CALHM3: variants seen among roughly 807,000 people sequenced by gnomAD.
The protein encoded by CALHM3 is calcium homeostasis modulator 3.
Under a neutral mutation model 13.6 loss-of-function variants are expected in CALHM3, and 9 were observed. The ratio of observed to expected loss-of-function variants is 0.66; its 90% CI spans 0.40 to 1.15. CALHM3 has a LOEUF of 1.15. Ranked by LOEUF, CALHM3 falls within the 50% of genes most tolerant of loss-of-function variation. The pLI, the probability that CALHM3 is intolerant of heterozygous loss-of-function variation, is 0.01. For missense variants in CALHM3, 497 were observed against 463.4 expected (o/e 1.07, Z -0.67); for synonymous variants, 231 against 213.2 (o/e 1.08, Z -0.73).
At position 103,479,184 on chromosome 10, in the gene CALHM3, GC is replaced by G; in HGVS notation, c.-153del. ...CCTGAGGGGCCAAGGAGGAAGCAGT[GC>G]CCAGGCCCCAGCCCAGGCTCCCGGG... On this transcript the variant is annotated 5_prime_UTR_variant, in exon 1 of 3. Transcript: ENST00000369783. 1.1e-6 allele frequency: 1 copy of G among 873,740 alleles called. No homozygotes were observed. Among genetic ancestry groups the G allele is most frequent in the Non-Finnish European group, 1.7e-6 (1 of 588,746 alleles). The allele number at this position is 873,740 out of a possible 1,614,324, so 54.1% of individuals were successfully genotyped here.
In CALHM3 at chr10:103,479,041, C is replaced by T. The variant is rs894907703; in HGVS notation, c.-9G>A. On this transcript the variant is annotated 5_prime_UTR_variant, in exon 1 of 3. Coordinates refer to ENST00000369783, the MANE Select transcript of CALHM3 (RefSeq NM_001129742.2). ...ATGCGGAATTTATCCATGGCTCCAGCCTGGGTGGGTGGGCGGCCGTCGGTT... is the reference window on the plus strand; with the variant it reads ...ATGCGGAATTTATCCATGGCTCCAGTCTGGGTGGGTGGGCGGCCGTCGGTT... 5 of 1,541,854 alleles carry T rather than the reference C, an allele frequency of 3.2e-6. No homozygotes were observed. The highest frequency in any genetic ancestry group is 4.4e-6 in the Non-Finnish European group (5 of 1,141,172).
rs199912946 is a variant in CALHM3 at position 103,476,307 on chromosome 10, C to G, written c.530G>C (p.Arg177Pro). 2 of 1,551,358 alleles carry G rather than the reference C, an allele frequency of 1.3e-6. No individual in the cohort carries two copies. The highest frequency in any genetic ancestry group is 1.7e-4 in the Middle Eastern group (1 of 5,992). The stretch of plus-strand genomic sequence containing the variant: ...CACCCCAGTTACCTGTGACAGGCAC[C>G]GCAGGTAGCGAGACACTGCCTTCCG... ...PARKAVSRYL[R>P]CLSQAIGWSV... Residue 177 changes from arginine (R) to proline (P), a missense_variant, in exon 2 of 3, where the codon CGG (arginine) becomes CCG (proline). Coordinates refer to ENST00000369783, the MANE Select transcript of CALHM3 (RefSeq NM_001129742.2).
In CALHM3 at chr10:103,473,340, C is replaced by G. The variant is rs2033344863; in HGVS notation, c.908G>C (p.Ser303Thr). 1.3e-6 allele frequency: 2 copies of G among 1,505,624 alleles called. No homozygotes were observed. The highest frequency in any genetic ancestry group is 1.8e-6 in the Non-Finnish European group (2 of 1,121,826). 93.3% of individuals were successfully genotyped at this position (1,505,624 alleles called of 1,614,324 possible). A position where few individuals can be genotyped will look rare whatever the true frequency, so the allele number is the denominator to read the frequency against. ...CGGCGGCTTGCTGGAGTACCACGTG[C>G]TTAGGAGGCGGTCCACCTGCTCCCG... ...SSREQVDRLL[S>T]TWYSSKPPLD... Residue 303 changes from serine (S) to threonine (T), a missense_variant, in exon 3 of 3, where the codon AGC becomes ACC. Physicochemically the swap from Ser to Thr is moderately conservative, Grantham distance 58. Transcript: ENST00000369783.
At chr10:103,477,440 A>G (rs986481087) in intron 1 of CALHM3, among the ~76,000 whole-genome samples, 2 of 152,198 alleles carry the variant, frequency 1.3e-5, no homozygotes, top group Non-Finnish European at 2.9e-5. Context: ...CTGAGGGTGC[A>G]CCGGATGCAG....
chr10:103,478,695 TG>T lies in CALHM3; in HGVS notation c.287+50del, dbSNP rs1423945152. ...CACTTGACAGTGCCTGTGGGGTGGCTGGGGAGCCCCTGGCAAAGCTCATGGG... is the reference window on the plus strand; with the variant it reads ...CACTTGACAGTGCCTGTGGGGTGGCTGGGAGCCCCTGGCAAAGCTCATGGG... On this transcript the variant is annotated intron_variant, in intron 1 of 2. Coordinates refer to ENST00000369783, the MANE Select transcript of CALHM3 (RefSeq NM_001129742.2). 7.7e-5 allele frequency: 112 copies of T among 1,463,830 alleles called. No homozygotes were observed. In the South Asian group the frequency reaches 1.5e-3, roughly 19 times the overall value. The allele number at this position is 1,463,830 out of a possible 1,614,324, so 90.7% of individuals were successfully genotyped here. A position where few individuals can be genotyped will look rare whatever the true frequency, so the allele number is the denominator to read the frequency against.
Position 103,479,117 on chromosome 10 carries a change from G to C in CALHM3, c.-85C>G. 7.1e-7 allele frequency: 1 copy of C among 1,401,576 alleles called. No individual in the cohort carries two copies. Among genetic ancestry groups the C allele is most frequent in the Non-Finnish European group, 9.6e-7 (1 of 1,043,744 alleles). The allele number at this position is 1,401,576 out of a possible 1,614,324, so 86.8% of individuals were successfully genotyped here. A position where few individuals can be genotyped will look rare whatever the true frequency, so the allele number is the denominator to read the frequency against. On this transcript the variant is annotated 5_prime_UTR_variant, in exon 1 of 3. Coordinates refer to ENST00000369783, the MANE Select transcript of CALHM3 (RefSeq NM_001129742.2). ...TCCTGGTGTCTGCTGTGCTGGGGAC[G>C]AGCCTGGGATCTGCAAGAGGTTCTC... is the stretch of plus-strand genomic sequence containing the variant.
chr10:103,477,936 T>G (rs946305895), intron 1 of CALHM3, among the ~76,000 whole-genome samples: 2 of 152,010 alleles, frequency 1.3e-5, no homozygotes, highest in African/African-American at 2.4e-5. Flanking sequence ...AGAATCCATC[T>G]TCCCCAAGGT....
intron 1 of CALHM3, among the ~76,000 whole-genome samples, chr10:103,477,585 G>C (rs892041507): frequency 2.0e-5 from 3 of 151,944 alleles, no homozygotes; most frequent in African/African-American, 7.3e-5. Flanking sequence ...TTCTTTTTTT[G>C]TCTTTTTTGA....
chr10:103,476,336 AG>A lies in CALHM3; in HGVS notation c.500del (p.Pro167LeufsTer25). The A allele has an allele frequency of 6.4e-7, 1 of 1,551,674 alleles. No individual in the cohort carries two copies. Among genetic ancestry groups the A allele is most frequent in the Non-Finnish European group, 8.7e-7 (1 of 1,146,992 alleles). On this transcript the variant is annotated frameshift_variant, in exon 2 of 3. Coordinates refer to ENST00000369783, the MANE Select transcript of CALHM3 (RefSeq NM_001129742.2). LOFTEE classifies it low-confidence loss of function (END_TRUNC). ...GGTAGCGAGACACTGCCTTCCGAGC[AG>A]GGCTATCCCTGACCAGCTCATCCTC... ...CKEDELVRDSPARKAVSRYLR... is the reference protein window; with the variant it reads ...CKEDELVRDSXARKAVSRYLR...
At chr10:103,478,432 G>A (rs1348279279) in intron 1 of CALHM3, among the ~76,000 whole-genome samples, 4 of 152,210 alleles carry the variant, frequency 2.6e-5, no homozygotes, top group East Asian at 1.9e-4. Flanking sequence ...AAGTTTTCCC[G>A]CAGCCCCTAG....
Position 103,476,301 on chromosome 10 carries a change from A to G in CALHM3, c.536T>C (p.Leu179Pro), listed in dbSNP as rs1313852932. The change falls in exon 2 of 3, where the codon CTG (leucine) becomes CCG (proline). Residue 179 changes from leucine (L) to proline (P), a missense_variant. Physicochemically the swap from Leu to Pro is moderately conservative, Grantham distance 98. Transcript: ENST00000369783. ...GAGGATCACCCCAGTTACCTGTGAC[A>G]GGCACCGCAGGTAGCGAGACACTGC... ...RKAVSRYLRCLSQAIGWSVTL... is the reference protein window; with the variant it reads ...RKAVSRYLRCPSQAIGWSVTL... The G allele has an allele frequency of 1.3e-6, 2 of 1,551,248 alleles. No individual in the cohort carries two copies. The highest frequency in any genetic ancestry group is 2.7e-5 in the African/African-American group (2 of 73,048).
At chr10:103,478,632 A>G (rs1220024333) in intron 1 of CALHM3, 114 bp downstream of exon 1, 9 of 1,126,700 alleles carry the variant, frequency 8.0e-6, no homozygotes, top group Non-Finnish European at 9.8e-6. Flanking sequence ...GTGGGTGGAG[A>G]ATCCCCTGAT....
rs1169855213 is a variant in CALHM3, at chr10:103,479,158, G to A, written c.-126C>T. On this transcript the variant is annotated 5_prime_UTR_variant, in exon 1 of 3. Coordinates refer to ENST00000369783, the MANE Select transcript of CALHM3 (RefSeq NM_001129742.2). ...AGAGGTTCTCTCTCTGCTTCCAAGG[G>A]CCTGAGGGGCCAAGGAGGAAGCAGT... The A allele has an allele frequency of 1.8e-6, 2 of 1,110,990 alleles. No homozygotes were observed. Among genetic ancestry groups the A allele is most frequent in the East Asian group, 2.6e-5 (1 of 38,512 alleles). 68.8% of individuals were successfully genotyped at this position (1,110,990 alleles called of 1,614,324 possible).
chr10:103,479,226 A>T lies in CALHM3; in HGVS notation c.-194T>A, dbSNP rs1440736888. 8.0e-6 allele frequency: 5 copies of T among 623,422 alleles called. No homozygotes were observed. The highest frequency in any genetic ancestry group is 5.5e-5 in the African/African-American group (3 of 54,204). 38.6% of individuals were successfully genotyped at this position (623,422 alleles called of 1,614,324 possible). A position where few individuals can be genotyped will look rare whatever the true frequency, so the allele number is the denominator to read the frequency against. ...GGCTCCCGGGATCCAGTAGGCACTT[A>T]AGGCAGGGACAGGCTCTCACCACAA... is the stretch of plus-strand genomic sequence containing the variant. On this transcript the variant is annotated 5_prime_UTR_variant, in exon 1 of 3. Coordinates refer to ENST00000369783, the MANE Select transcript of CALHM3 (RefSeq NM_001129742.2).
At chr10:103,478,239 G>T (rs937648379) in intron 1 of CALHM3, among the ~76,000 whole-genome samples, 1 of 152,140 alleles carries the variant, frequency 6.6e-6, no homozygotes, top group Non-Finnish European at 1.5e-5. Flanking sequence ...CTATTTCTGC[G>T]TGGCTATCCA....
rs550103390 is a variant in CALHM3, at chr10:103,478,895, G to A, written c.138C>T (p.His46=). 3.0e-5 allele frequency: 46 copies of A among 1,551,766 alleles called. No individual in the cohort carries two copies. The East Asian group carries it at 8.6e-4, about 29-fold the overall frequency. The change falls in exon 1 of 3, where the codon CAC becomes CAT. Residue 46 remains histidine, a synonymous_variant. Coordinates refer to ENST00000369783, the MANE Select transcript of CALHM3 (RefSeq NM_001129742.2). ...SFDFNCPCLV[H]YNALYGLGLL... ...GGCCCAGGCCGTAGAGTGCATTGTA[G>A]TGCACCAGGCAGGGACAGTTGAAGT...
rs763687742 is a variant in CALHM3 at position 103,473,500 on chromosome 10, T to C, written c.748A>G (p.Met250Val). 73 of 1,550,980 alleles carry C rather than the reference T, an allele frequency of 4.7e-5. 3 individuals carry two copies. In the South Asian group the frequency reaches 7.4e-4, roughly 16 times the overall value. ...HRCVLHFFASMRSELQARGLR... is the reference protein window; with the variant it reads ...HRCVLHFFASVRSELQARGLR... ...CCCCGCGCCTGCAGCTCACTCCGCA[T>C]GCTGGCAAAGAAGTGCAGCACGCAG... The change falls in exon 3 of 3, where the codon ATG becomes GTG. Residue 250 changes from methionine to valine, a missense_variant. Physicochemically the swap from Met to Val is conservative, Grantham distance 21. Coordinates refer to ENST00000369783, the MANE Select transcript of CALHM3 (RefSeq NM_001129742.2).
In CALHM3 at chr10:103,479,162, G is replaced by A. The variant is rs1013775680; in HGVS notation, c.-130C>T. ...GTTCTCTCTCTGCTTCCAAGGGCCT[G>A]AGGGGCCAAGGAGGAAGCAGTGCCC... On this transcript the variant is annotated 5_prime_UTR_variant, in exon 1 of 3. Transcript: ENST00000369783. 9.1e-7 allele frequency: 1 copy of A among 1,095,762 alleles called. No individual in the cohort carries two copies. The highest frequency in any genetic ancestry group is 1.3e-6 in the Non-Finnish European group (1 of 785,060). 67.9% of individuals were successfully genotyped at this position (1,095,762 alleles called of 1,614,324 possible).
At chr10:103,474,217 T>C (rs2033362586) in intron 2 of CALHM3, among the ~76,000 whole-genome samples, 1 of 152,284 alleles carries the variant, frequency 6.6e-6, no homozygotes, top group South Asian at 2.1e-4. Context: ...CATCCTTGCA[T>C]CTATCCACCC....
Sources: gnomAD v4.1 joint callset for allele counts (sites outside exome capture counted in the v4.1 genomes callset) on GRCh38, gnomAD v4.1.1 for gene constraint, MANE v1.5 for transcripts, NCBI Gene and HGNC (gene_info 2026-07-23, HGNC 2026-07-21) for gene names.